Variants in PKP2 observed in about 807,000 individuals in gnomAD.
The protein encoded by PKP2 is plakophilin-2.
Under a neutral mutation model 83.4 loss-of-function variants are expected in PKP2, and 73 were observed. The observed-to-expected ratio is 0.88, with a 90% CI of 0.72 to 1.06. The LOEUF (loss-of-function observed/expected upper bound fraction) is 1.06, where lower values mean the gene tolerates loss of function less well. PKP2 is among the 50% of genes least tolerant of loss of function. The pLI, the probability that PKP2 is intolerant of heterozygous loss-of-function variation, is 0.00. For synonymous variants in PKP2, 409 were observed against 430.4 expected (o/e 0.95, Z 0.62); for missense variants, 966 against 1,065.4 (o/e 0.91, Z 1.30).
intron 4 of PKP2, among the ~76,000 whole-genome samples, chr12:32,867,240 A>C (rs1565595504): frequency 6.6e-6 from 1 of 152,168 alleles, no homozygotes; most frequent in Non-Finnish European, 1.5e-5. Context: ...GGGTGGGAGG[A>C]TTGCTTGAGC....
chr12:32,867,886 C>A (rs1180517686), intron 4 of PKP2, among the ~76,000 whole-genome samples: 2 of 152,214 alleles, frequency 1.3e-5, no homozygotes, highest in African/African-American at 4.8e-5. Flanking sequence ...CCTCCTCCCT[C>A]ACAAATGTAT....
At chr12:32,842,033 T>C (rs1302822774) in intron 5 of PKP2, among the ~76,000 whole-genome samples, 1 of 152,160 alleles carries the variant, frequency 6.6e-6, no homozygotes, top group Admixed American at 6.5e-5. Flanking sequence ...ACTGAGATAA[T>C]AGCATGTTGT....
intron 6 of PKP2, among the ~76,000 whole-genome samples, chr12:32,828,825 G>T (rs551480385): frequency 6.6e-6 from 1 of 152,232 alleles, no homozygotes; most frequent in South Asian, 2.1e-4. Context: ...AAAGGCTACA[G>T]TTAGTTTCCA....
intron 1 of PKP2, among the ~76,000 whole-genome samples, chr12:32,881,852 C>T (rs1956989302): frequency 6.6e-6 from 1 of 152,134 alleles, no homozygotes; most frequent in Non-Finnish European, 1.5e-5. Context: ...ACCCTTTATC[C>T]TCTACTCTGC....
intron 9 of PKP2, among the ~76,000 whole-genome samples, chr12:32,819,370 T>C (rs1000264588): frequency 2.0e-5 from 3 of 152,052 alleles, no homozygotes; most frequent in South Asian, 2.1e-4. Flanking sequence ...ATTTGTCCCA[T>C]GCTGCTAATG....
chr12:32,896,424 C>A, intron 1 of PKP2, 85 bp downstream of exon 1: 1 of 1,083,580 alleles, frequency 9.2e-7, no homozygotes, highest in Non-Finnish European at 1.3e-6. Context: ...CCCGCACTCC[C>A]AGCACGCGGG....
At chr12:32,852,140 A>T (rs1192260666) in intron 4 of PKP2, among the ~76,000 whole-genome samples, 1 of 152,230 alleles carries the variant, frequency 6.6e-6, no homozygotes, top group Admixed American at 6.5e-5. Flanking sequence ...TTAAGTTGCC[A>T]AGAGCTGTTG....
intron 2 of PKP2, 65 bp from the exon 3 acceptor site, chr12:32,878,608 A>G: frequency 7.8e-7 from 1 of 1,286,670 alleles, no homozygotes; most frequent in Non-Finnish European, 1.1e-6. Flanking sequence ...CTGAGGACTA[A>G]TTACTCTGGG....
rs376451546 is a variant in PKP2 at position 32,850,992 on chromosome 12, C to T, written c.1171-19G>A. ...GGTTAACCTGGGGAAGAAGCAGATG[C>T]ATATTTCTAATATTAATTTTGATGT... On this transcript the variant is annotated intron_variant, in intron 4 of 12. Transcript: ENST00000340811. 16 of 1,598,212 alleles carry T rather than the reference C, an allele frequency of 1.0e-5. No homozygotes were observed. The African/African-American group carries it at 2.1e-4, about 21-fold the overall frequency.
chr12:32,851,123 A>C (rs1956693495), intron 4 of PKP2, 150 bp from the exon 5 acceptor site: 1 of 700,052 alleles, frequency 1.4e-6, no homozygotes, highest in South Asian at 1.6e-5. Flanking sequence ...CTCTTGTAGA[A>C]TATACCCCGG....
Position 32,841,173 on chromosome 12 carries a change from G to C in PKP2, c.1411C>G (p.Leu471Val), listed in dbSNP as rs878854708. Residue 471 changes from leucine to valine, a missense_variant, in exon 6 of 13, where the codon CTC (leucine) becomes GTC (valine). Transcript: ENST00000340811. ...GCTTCTGTTATCATGAGATTCTTGA[G>C]TTTGTCATTAGATGACAAATTCCAC... ...LLWNLSSNDK[L>V]KNLMITEALL... is the part of the protein sequence containing the mutation. The C allele has an allele frequency of 6.2e-7, 1 of 1,613,490 alleles. No individual in the cohort carries two copies. Among genetic ancestry groups the C allele is most frequent in the Non-Finnish European group, 8.5e-7 (1 of 1,179,484 alleles).
intron 9 of PKP2, among the ~76,000 whole-genome samples, chr12:32,806,686 T>TTGTGTGTGTGTGTGTGTGTGTG (rs140484431): frequency 0.047 from 7,091 of 149,528 alleles, 318 homozygotes; most frequent in East Asian, 0.17. Flanking sequence ...TTTGAAGGGT[T>TTGTGTGTGTGTGTGTGTGTGTG]TGTGTGTGTG....
intron 5 of PKP2, chr12:32,843,387 G>C: frequency 8.4e-7 from 1 of 1,188,484 alleles, no homozygotes; most frequent in Non-Finnish European, 1.2e-6. Context: ...TGGCAGACTT[G>C]GCTGAACTAT....
intron 10 of PKP2, among the ~76,000 whole-genome samples, chr12:32,801,807 G>T (rs557555409): frequency 2.5e-4 from 26 of 105,336 alleles, no homozygotes; most frequent in African/African-American, 8.8e-4. Context: ...AAAAAGTACC[G>T]TTATCATCTC....
intron 3 of PKP2, among the ~76,000 whole-genome samples, chr12:32,876,826 G>A (rs778150790): frequency 2.2e-4 from 33 of 152,110 alleles, no homozygotes; most frequent in Non-Finnish European, 4.4e-4. Context: ...CACTGCTCCC[G>A]GCTTATTTTT....
chr12:32,817,775 G>A (rs1592735511), intron 9 of PKP2, among the ~76,000 whole-genome samples: 1 of 152,132 alleles, frequency 6.6e-6, no homozygotes, highest in African/African-American at 2.4e-5. Flanking sequence ...TTATTTTTGG[G>A]TAAGGTATGC....
chr12:32,794,262 C>T (rs1205441471), intron 11 of PKP2, among the ~76,000 whole-genome samples: 1 of 152,148 alleles, frequency 6.6e-6, no homozygotes, highest in East Asian at 1.9e-4. Flanking sequence ...ATATTCAAAA[C>T]TGTAAAAAGT....
chr12:32,879,020 C>T lies in PKP2; in HGVS notation c.236G>A (p.Arg79Gln), dbSNP rs766802880. 2.8e-5 allele frequency: 45 copies of T among 1,579,512 alleles called. No individual in the cohort carries two copies. The highest frequency in any genetic ancestry group is 8.3e-5 in the Admixed American group (5 of 59,952). Residue 79 changes from arginine (R) to glutamine (Q), a missense_variant, in exon 2 of 13, where the codon CGA becomes CAA. Transcript: ENST00000340811. ...RSSVGNGNLH[R>Q]TSSVPEYVYN... is the part of the protein sequence containing the mutation. ...GACATACTCAGGAACACTGCTGGTT[C>T]GGTGAAGATTTCCTGCAATCAAGCA...
At chr12:32,832,165 T>A (rs949160925) in intron 6 of PKP2, among the ~76,000 whole-genome samples, 1 of 151,972 alleles carries the variant, frequency 6.6e-6, no homozygotes, top group African/African-American at 2.4e-5. Context: ...GATCACGAGA[T>A]CAGAAGATTG....
Sources: allele counts gnomAD v4.1 joint callset (sites outside exome capture counted in the v4.1 genomes callset), GRCh38; gene constraint gnomAD v4.1.1; transcripts MANE v1.5; gene names NCBI Gene and HGNC (gene_info 2026-07-23, HGNC 2026-07-21).